The following RNF216 variants were observed in gnomAD, a reference collection of about 807,000 sequenced individuals.
RNF216 encodes the protein ring finger protein 216.
In RNF216, 72 loss-of-function variants were observed where a neutral mutation model predicts 110.8. That is an observed-to-expected ratio of 0.65 (90% CI 0.54 to 0.79). The LOEUF is 0.79. Ranked by LOEUF, RNF216 falls within the 30% of genes least tolerant of loss-of-function variation. The pLI is 0.00. For missense variants in RNF216, 1,342 were observed against 1,141.2 expected, an observed-to-expected ratio of 1.18 and a Z score of -2.54; for synonymous variants, 495 against 407.5, an observed-to-expected ratio of 1.21 and a Z score of -2.59.
intron 11 of RNF216, among the ~76,000 whole-genome samples, chr7:5,714,573 A>C (rs1285775720): frequency 6.6e-6 from 1 of 152,108 alleles, no homozygotes; most frequent in Admixed American, 6.6e-5. Context: ...CTTCTTAATC[A>C]CTGTGTTAGT....
chr7:5,741,353 G>C lies in RNF216; in HGVS notation c.664C>G (p.Gln222Glu), dbSNP rs752710962. Residue 222 changes from glutamine (Q) to glutamate (E), a missense_variant, in exon 4 of 17, where the codon CAG becomes GAG. By Grantham distance (29) the Gln-to-Glu change is conservative (BLOSUM62 2). Coordinates refer to ENST00000389902, the MANE Select transcript of RNF216 (RefSeq NM_207111.4). ...LGESAALADD[Q>E]AIEEDCWLDH... ...AACCAGCAGTCTTCTTCGATGGCCT[G>C]ATCATCTGCTAGAGCAGCTGACTCT... is the stretch of plus-strand genomic sequence containing the variant. The C allele has an allele frequency of 5.0e-6, 8 of 1,614,158 alleles. No homozygotes were observed. The highest frequency in any genetic ancestry group is 5.1e-6 in the Non-Finnish European group (6 of 1,180,022).
intron 15 of RNF216, among the ~76,000 whole-genome samples, chr7:5,637,046 T>C (rs1043942844): frequency 6.6e-6 from 1 of 152,128 alleles, no homozygotes; most frequent in Non-Finnish European, 1.5e-5. Context: ...CCTTTGTCTC[T>C]AGAGATGAAA....
intron 13 of RNF216, among the ~76,000 whole-genome samples, chr7:5,701,468 C>T (rs10259773): frequency 0.82 from 124,206 of 152,124 alleles, 52,697 homozygotes; most frequent in Non-Finnish European, 0.92. Context: ...CACTGGGCAG[C>T]TATTACTTCG....
chr7:5,712,300 C>T (rs1314056710), intron 12 of RNF216, among the ~76,000 whole-genome samples: 6 of 152,084 alleles, frequency 3.9e-5, no homozygotes. Context: ...GCCAACATGG[C>T]AAAACCTCGT....
At chr7:5,627,908 T>C (rs1247649440) in intron 15 of RNF216, among the ~76,000 whole-genome samples, 1 of 152,166 alleles carries the variant, frequency 6.6e-6, no homozygotes, top group African/African-American at 2.4e-5. Context: ...TTTTTATCAC[T>C]AAGCTTCCGT....
chr7:5,665,948 G>A (rs972113722), intron 13 of RNF216, among the ~76,000 whole-genome samples: 1 of 152,096 alleles, frequency 6.6e-6, no homozygotes, highest in African/African-American at 2.4e-5. Context: ...GGCGGATCCC[G>A]AGGTCAGGAG....
At chr7:5,779,826 C>T (rs537837124) in intron 1 of RNF216, among the ~76,000 whole-genome samples, 789 of 45,390 alleles carry the variant, frequency 0.017, 7 homozygotes, top group Non-Finnish European at 0.029. Context: ...CAGACTCCGC[C>T]TCAAAAAAAA....
At chr7:5,732,332 G>A (rs1794142968) in intron 5 of RNF216, among the ~76,000 whole-genome samples, 2 of 152,092 alleles carry the variant, frequency 1.3e-5, no homozygotes, top group South Asian at 2.1e-4. Context: ...TTGATGTGGC[G>A]ACAAACCAGA....
At chr7:5,780,588 G>A (rs1797025400) in intron 1 of RNF216, among the ~76,000 whole-genome samples, 1 of 151,872 alleles carries the variant, frequency 6.6e-6, no homozygotes, top group South Asian at 2.1e-4. Flanking sequence ...TCCCAGCTGA[G>A]GCAATCCCTG....
chr7:5,650,601 G>A (rs1333025435), intron 14 of RNF216, among the ~76,000 whole-genome samples: 1 of 152,050 alleles, frequency 6.6e-6, no homozygotes, highest in Non-Finnish European at 1.5e-5. Context: ...TCAGCTGAGG[G>A]TTTTCCCAAC....
intron 15 of RNF216, among the ~76,000 whole-genome samples, chr7:5,640,342 T>C (rs1300536845): frequency 1.3e-5 from 2 of 152,244 alleles, no homozygotes; most frequent in Admixed American, 6.5e-5. Context: ...CCCTTCATGC[T>C]GTCCTCTCTC....
chr7:5,687,123 C>T (rs1017134572), intron 13 of RNF216, among the ~76,000 whole-genome samples: 3 of 152,124 alleles, frequency 2.0e-5, no homozygotes, highest in African/African-American at 4.8e-5. Context: ...AGACCAGGTA[C>T]GGTGGCTCAT....
intron 13 of RNF216, among the ~76,000 whole-genome samples, chr7:5,672,753 T>A (rs1562811994): frequency 6.6e-6 from 1 of 152,026 alleles, no homozygotes; most frequent in South Asian, 2.1e-4. Context: ...GTCTTCCTGG[T>A]GAGCAGCGCA....
chr7:5,687,409 A>G (rs567336669), intron 13 of RNF216, among the ~76,000 whole-genome samples: 27 of 150,304 alleles, frequency 1.8e-4, no homozygotes, highest in East Asian at 1.2e-3. Flanking sequence ...AAAAAAAAAA[A>G]AAAAAGAAAA....
In RNF216 at chr7:5,621,996, C is replaced by T. The variant is rs576305460; in HGVS notation, c.*864G>A. ...GGTCACCTGTCTCCCTAAGGAGGCCCACTCCTCCCCCAGAAAGCCAGGGGG... is the reference window on the plus strand; with the variant it reads ...GGTCACCTGTCTCCCTAAGGAGGCCTACTCCTCCCCCAGAAAGCCAGGGGG... On this transcript the variant is annotated 3_prime_UTR_variant, in exon 17 of 17. Transcript: ENST00000389902. 5.9e-5 allele frequency: 9 copies of T among 152,354 alleles called. No individual in the cohort carries two copies. The East Asian group carries it at 1.7e-3, about 30-fold the overall frequency. 9.4% of individuals were successfully genotyped at this position (152,354 alleles called of 1,614,324 possible).
intron 15 of RNF216, among the ~76,000 whole-genome samples, chr7:5,639,913 C>A (rs1274497155): frequency 1.3e-5 from 2 of 152,088 alleles, no homozygotes; most frequent in Admixed American, 6.5e-5. Context: ...GCGCCTGCCA[C>A]CACGCCCGGC....
intron 5 of RNF216, among the ~76,000 whole-genome samples, chr7:5,731,747 G>A (rs28375631): frequency 0.076 from 11,396 of 150,786 alleles, 1,802 homozygotes; most frequent in African/African-American, 0.27. Context: ...TATACCTGCA[G>A]TTCTCACACA....
intron 15 of RNF216, among the ~76,000 whole-genome samples, chr7:5,632,834 T>C (rs1254995199): frequency 1.3e-5 from 2 of 152,148 alleles, no homozygotes; most frequent in Non-Finnish European, 2.9e-5. Context: ...GGTGTACCTA[T>C]GGATCACAGT....
chr7:5,628,160 C>G (rs1046247769), intron 15 of RNF216, among the ~76,000 whole-genome samples: 7 of 152,142 alleles, frequency 4.6e-5, no homozygotes, highest in Non-Finnish European at 1.0e-4. Flanking sequence ...CACCCCAGAG[C>G]CTTTCTTCCA....
Sources: gnomAD v4.1 joint callset for allele counts (sites outside exome capture counted in the v4.1 genomes callset) on GRCh38, gnomAD v4.1.1 for gene constraint, MANE v1.5 for transcripts, NCBI Gene and HGNC (gene_info 2026-07-23, HGNC 2026-07-21) for gene names.